The following FTO variants were observed in gnomAD, a reference collection of about 807,000 sequenced individuals.
FTO encodes alpha-ketoglutarate-dependent dioxygenase FTO.
Under a neutral mutation model 63.9 loss-of-function variants are expected in FTO, and 47 were observed. The observed-to-expected ratio is 0.74, with a 90% confidence interval of 0.58 to 0.94. FTO has a LOEUF of 0.94. Among genes scored for constraint, FTO ranks in the 40% least tolerant of loss-of-function variants. FTO has a pLI of 0.00. For synonymous variants in FTO, 207 were observed against 224.4 expected (o/e 0.92, Z 0.69); for missense variants, 562 against 618.1 (o/e 0.91, Z 0.96).
At chr16:53,989,079 A>G (rs1472746596) in intron 8 of FTO, among the ~76,000 whole-genome samples, 1 of 152,120 alleles carries the variant, frequency 6.6e-6, no homozygotes, top group African/African-American at 2.4e-5. Context: ...TAGCCCGCCA[A>G]GGAGGATGAC....
intron 3 of FTO, among the ~76,000 whole-genome samples, chr16:53,839,775 T>TTTTTTTTA (rs1567346825): frequency 5.4e-5 from 2 of 36,952 alleles, no homozygotes; most frequent in African/African-American, 1.4e-4. Flanking sequence ...TTTTCTTTTT[T>TTTTTTTTA]TTTATTTATT....
intron 8 of FTO, among the ~76,000 whole-genome samples, chr16:54,024,726 G>A (rs1285219658): frequency 2.6e-5 from 4 of 152,054 alleles, no homozygotes; most frequent in African/African-American, 9.7e-5. Flanking sequence ...GTTATTATAG[G>A]TATTATATTA....
At chr16:53,899,040 A>G (rs139653914) in intron 7 of FTO, among the ~76,000 whole-genome samples, 160 of 152,324 alleles carry the variant, frequency 1.1e-3, no homozygotes, top group Non-Finnish European at 2.0e-3. Flanking sequence ...CTTCACAGGA[A>G]TATTTTTGGG....
At chr16:53,747,189 A>C (rs528652674) in intron 1 of FTO, among the ~76,000 whole-genome samples, 2 of 152,326 alleles carry the variant, frequency 1.3e-5, no homozygotes, top group East Asian at 3.9e-4. Context: ...TCTCTTTGAC[A>C]TACCAATTTC....
chr16:53,828,657 C>T (rs1459223972), intron 3 of FTO, among the ~76,000 whole-genome samples: 2 of 152,148 alleles, frequency 1.3e-5, no homozygotes, highest in Non-Finnish European at 2.9e-5. Flanking sequence ...CCCAACAATT[C>T]AAAGAACAAA....
intron 1 of FTO, among the ~76,000 whole-genome samples, chr16:53,733,772 C>T (rs1049310179): frequency 6.6e-6 from 1 of 152,158 alleles, no homozygotes; most frequent in Non-Finnish European, 1.5e-5. Context: ...TCATGTCTAC[C>T]ATGGCAACAC....
chr16:54,104,313 C>CTTTTT (rs71146725), intron 8 of FTO, among the ~76,000 whole-genome samples: 1 of 132,080 alleles, frequency 7.6e-6, no homozygotes, highest in African/African-American at 2.8e-5. Flanking sequence ...CCTGAGGCCT[C>CTTTTT]TTTTTTTTTT....
chr16:53,837,500 G>T (rs543694987), intron 3 of FTO, among the ~76,000 whole-genome samples: 1 of 152,282 alleles, frequency 6.6e-6, no homozygotes, highest in South Asian at 2.1e-4. Context: ...AGCTGGGAAT[G>T]ATTAGTTTGT....
At chr16:53,754,909 G>A (rs1394836148) in intron 1 of FTO, among the ~76,000 whole-genome samples, 1 of 152,162 alleles carries the variant, frequency 6.6e-6, no homozygotes, top group East Asian at 1.9e-4. Context: ...ACAATATGCT[G>A]ATAGTGATTC....
intron 8 of FTO, among the ~76,000 whole-genome samples, chr16:53,947,099 C>G (rs750159943): frequency 1.3e-5 from 2 of 152,182 alleles, no homozygotes; most frequent in African/African-American, 4.8e-5. Context: ...CCATCCATCT[C>G]GCTTAGGAGC....
At chr16:53,776,667 T>G (rs1370310911) in intron 1 of FTO, among the ~76,000 whole-genome samples, 1 of 152,206 alleles carries the variant, frequency 6.6e-6, no homozygotes, top group Non-Finnish European at 1.5e-5. Context: ...GAAAAATAAC[T>G]CTTTTCCAAT....
intron 1 of FTO, among the ~76,000 whole-genome samples, chr16:53,765,076 A>T (rs992381384): frequency 6.6e-6 from 1 of 152,074 alleles, no homozygotes; most frequent in Admixed American, 6.6e-5. Flanking sequence ...ATACATTGCT[A>T]TTACTTTTAG....
chr16:53,850,849 A>T (rs1251979908), intron 4 of FTO, among the ~76,000 whole-genome samples: 3 of 152,180 alleles, frequency 2.0e-5, no homozygotes, highest in African/African-American at 7.2e-5. Context: ...TGATGGTTGC[A>T]CATCTCTGAA....
At chr16:53,742,979 T>G (rs2076561482) in intron 1 of FTO, among the ~76,000 whole-genome samples, 1 of 152,088 alleles carries the variant, frequency 6.6e-6, no homozygotes, top group African/African-American at 2.4e-5. Flanking sequence ...CAGTGTGCCT[T>G]AAAAAATATA....
At chr16:54,017,626 C>T (rs1452394071) in intron 8 of FTO, among the ~76,000 whole-genome samples, 1 of 152,086 alleles carries the variant, frequency 6.6e-6, no homozygotes, top group Non-Finnish European at 1.5e-5. Flanking sequence ...GGTGATGGCA[C>T]GTTAGCTCAC....
At chr16:53,760,485 G>A (rs566421727) in intron 1 of FTO, among the ~76,000 whole-genome samples, 8 of 151,800 alleles carry the variant, frequency 5.3e-5, no homozygotes, top group South Asian at 2.1e-4. Flanking sequence ...GACTCAAGCC[G>A]TCTGCCCGCA....
At chr16:53,969,673 ACT>A (rs1332954657) in intron 8 of FTO, among the ~76,000 whole-genome samples, 2 of 152,002 alleles carry the variant, frequency 1.3e-5, no homozygotes, top group Non-Finnish European at 2.9e-5. Context: ...ACTACTGCAC[ACT>A]CTCTGTTTCT....
Position 53,847,453 on chromosome 16 carries a change from A to G in FTO, c.895+3155A>G, listed in dbSNP as rs1022671826. On this transcript the variant is annotated intron_variant, in intron 4 of 8. Transcript: ENST00000471389. ...TTTCTTTTCTGTTCTTCTTAAGGTT[A>G]TGGGTTTCTCAGGGTTTAAGAACTG... 3.3e-5 allele frequency among the ~76,000 whole-genome samples: 5 copies of G among 152,282 alleles called. No individual in the cohort carries two copies. In the East Asian group the frequency reaches 7.7e-4, roughly 24 times the overall value.
At position 54,081,316 on chromosome 16, in the gene FTO, A is replaced by G. The variant is rs561753371; in HGVS notation, c.1365-30446A>G. On this transcript the variant is annotated intron_variant, in intron 8 of 8. Transcript: ENST00000471389. ...TAGATATTATTTCAGATAGTTTCTC[A>G]CTGTGTCCTAATTTCATTTTCCAGC... Among the ~76,000 whole-genome samples the G allele has an allele frequency of 9.8e-5, 15 of 152,286 alleles. No individual in the cohort carries two copies. In the South Asian group the frequency reaches 3.1e-3, roughly 32 times the overall value.
Sources: gnomAD v4.1 joint callset for allele counts (sites outside exome capture counted in the v4.1 genomes callset) on GRCh38, gnomAD v4.1.1 for gene constraint, MANE v1.5 for transcripts, NCBI Gene and HGNC (gene_info 2026-07-23, HGNC 2026-07-21) for gene names.